The following SSH2 variants were observed in gnomAD, a reference collection of about 807,000 sequenced individuals.
SSH2 encodes the protein protein phosphatase Slingshot homolog 2.
SSH2 carries 37 observed loss-of-function variants against 135.2 expected under a neutral mutation model. The observed-to-expected ratio is 0.27, with a 90% CI of 0.21 to 0.36. The LOEUF (loss-of-function observed/expected upper bound fraction) is 0.36, where lower values mean the gene tolerates loss of function less well. Ranked by LOEUF, SSH2 falls within the 10% of genes least tolerant of loss-of-function variation. The pLI, the probability that SSH2 is intolerant of heterozygous loss-of-function variation, is 1.00. For synonymous variants in SSH2, 628 were observed against 646.2 expected, an observed-to-expected ratio of 0.97 and a Z score of 0.43; for missense variants, 1,408 against 1,765.3, an observed-to-expected ratio of 0.80 and a Z score of 3.63.
At chr17:29,709,160 C>CT (rs2039346290) in intron 3 of SSH2, among the ~76,000 whole-genome samples, 1 of 151,426 alleles carries the variant, frequency 6.6e-6, no homozygotes, top group South Asian at 2.1e-4. Flanking sequence ...ATTTTTACCC[C>CT]CAATATACAT....
intron 1 of SSH2, among the ~76,000 whole-genome samples, chr17:29,904,690 A>G (rs2066621723): frequency 6.6e-6 from 1 of 152,214 alleles, no homozygotes; most frequent in Admixed American, 6.5e-5. Context: ...GTATTCAAAT[A>G]GGAAGACAGG....
intron 4 of SSH2, among the ~76,000 whole-genome samples, chr17:29,699,556 AAAGCT>A (rs1467571130): frequency 1.3e-5 from 2 of 152,196 alleles, no homozygotes; most frequent in Non-Finnish European, 2.9e-5. Flanking sequence ...TAGTATGAGG[AAAGCT>A]AAGTGAACAA....
At chr17:29,674,296 C>G (rs1425986611) in intron 8 of SSH2, 2 of 391,898 alleles carry the variant, frequency 5.1e-6, no homozygotes, top group Admixed American at 6.1e-5. Flanking sequence ...TTATATTACT[C>G]AAAGTAAGCC....
intron 2 of SSH2, among the ~76,000 whole-genome samples, chr17:29,805,691 T>G (rs530155918): frequency 1.3e-5 from 2 of 152,174 alleles, no homozygotes; most frequent in African/African-American, 2.4e-5. Context: ...TCGGAATCAG[T>G]ACATTAAAAA....
At chr17:29,686,532 T>C (rs559302941) in intron 5 of SSH2, among the ~76,000 whole-genome samples, 120 of 151,640 alleles carry the variant, frequency 7.9e-4, no homozygotes, top group Non-Finnish European at 3.1e-4. Context: ...CGGCTAATTT[T>C]TTTTTTTTTT....
chr17:29,784,105 G>T (rs1490409468), intron 3 of SSH2, among the ~76,000 whole-genome samples: 3 of 146,438 alleles, frequency 2.0e-5, no homozygotes, highest in South Asian at 2.1e-4. Context: ...AGTAATTGGG[G>T]GCTGGACGCG....
intron 11 of SSH2, among the ~76,000 whole-genome samples, chr17:29,665,289 A>C (rs1358533248): frequency 6.6e-6 from 1 of 152,234 alleles, no homozygotes; most frequent in Non-Finnish European, 1.5e-5. Context: ...ATGCCAACAC[A>C]TACTGGTCAG....
At chr17:29,693,088 T>C (rs1303520051) in intron 5 of SSH2, among the ~76,000 whole-genome samples, 1 of 151,916 alleles carries the variant, frequency 6.6e-6, no homozygotes, top group East Asian at 1.9e-4. Flanking sequence ...GCCTCCCGAG[T>C]AGCTGGCATG....
Position 29,631,994 on chromosome 17 carries a change from C to A in SSH2, c.3200G>T (p.Gly1067Val). ...IATSEKSGEQ[G>V]LRKVNMEKSV... ...TTTTTCCATGTTCACTTTCCTCAGC[C>A]CTTGCTCTCCGCTCTTCTCACTGGT... The change falls in exon 16 of 16, where the codon GGG (glycine) becomes GTG (valine). Residue 1067 changes from glycine to valine, a missense_variant. This residue lies in a region of SSH2 where 1,080 missense variants were observed against 1,144.5 expected (regional missense o/e 0.94). Transcript: ENST00000540801. 1 of 1,614,194 alleles carries A rather than the reference C, an allele frequency of 6.2e-7. No homozygotes were observed. Among genetic ancestry groups the A allele is most frequent in the Non-Finnish European group, 8.5e-7 (1 of 1,180,028 alleles).
At chr17:29,838,365 C>T (rs1315308679) in intron 2 of SSH2, among the ~76,000 whole-genome samples, 2 of 152,220 alleles carry the variant, frequency 1.3e-5, no homozygotes, top group Non-Finnish European at 2.9e-5. Flanking sequence ...AGCCTGGGCA[C>T]CATGAATGGA....
chr17:29,923,852 G>A (rs941864501), intron 1 of SSH2, among the ~76,000 whole-genome samples: 2 of 152,056 alleles, frequency 1.3e-5, no homozygotes, highest in Non-Finnish European at 2.9e-5. Flanking sequence ...GTTGCAGTGA[G>A]CTGAGATCAT....
At position 29,853,754 on chromosome 17, in the gene SSH2, G is replaced by A. The variant is rs772717837; in HGVS notation, c.64-4825C>T. ...TAAAAATGGACACAACAATAACATC[G>A]ATCTATTAGGGTTGTTGGAAAGACT... On this transcript the variant is annotated intron_variant, in intron 1 of 15. Transcript: ENST00000540801. Among the ~76,000 whole-genome samples, 27 of 151,616 alleles carry A rather than the reference G, an allele frequency of 1.8e-4. No homozygotes were observed. The South Asian group carries it at 3.7e-3, about 21-fold the overall frequency.
chr17:29,635,936 A>G (rs573249497), intron 15 of SSH2, 32 bp downstream of exon 15: 29 of 1,495,132 alleles, frequency 1.9e-5, no homozygotes, highest in African/African-American at 1.3e-4. Flanking sequence ...AGAGAACTTC[A>G]TTAGGCGGAA....
intron 15 of SSH2, among the ~76,000 whole-genome samples, chr17:29,634,157 C>T (rs2035798162): frequency 6.6e-6 from 1 of 152,212 alleles, no homozygotes; most frequent in South Asian, 2.1e-4. Flanking sequence ...AGGGGCACAG[C>T]TTTGCATGTG....
At chr17:29,791,495 C>G (rs1004697147) in intron 3 of SSH2, among the ~76,000 whole-genome samples, 3 of 152,136 alleles carry the variant, frequency 2.0e-5, no homozygotes, top group Non-Finnish European at 4.4e-5. Context: ...ACATTTGAAC[C>G]CACAAACTGA....
intron 15 of SSH2, among the ~76,000 whole-genome samples, chr17:29,635,627 T>C (rs576264195): frequency 3.2e-3 from 483 of 149,632 alleles, no homozygotes; most frequent in Middle Eastern, 6.8e-3. Flanking sequence ...CCAGGATGGT[T>C]TCGATCTCCT....
At chr17:29,633,381 A>G (rs566165944) in intron 15 of SSH2, among the ~76,000 whole-genome samples, 1 of 152,318 alleles carries the variant, frequency 6.6e-6, no homozygotes, top group East Asian at 1.9e-4. Flanking sequence ...TTTAAGGGCT[A>G]AGATATGTCC....
intron 3 of SSH2, among the ~76,000 whole-genome samples, chr17:29,726,226 G>A (rs992734295): frequency 2.6e-5 from 4 of 152,170 alleles, no homozygotes; most frequent in Non-Finnish European, 1.5e-5. Context: ...CAGGTGAAAG[G>A]AGGTTAGGAG....
intron 3 of SSH2, among the ~76,000 whole-genome samples, chr17:29,713,375 A>G (rs1156651702): frequency 2.0e-5 from 3 of 152,116 alleles, no homozygotes; most frequent in Admixed American, 6.6e-5. Flanking sequence ...AGAAAACGCC[A>G]CTGGTCAGTC....
Sources: gnomAD v4.1 joint callset for allele counts (sites outside exome capture counted in the v4.1 genomes callset) on GRCh38, gnomAD v4.1.1 for gene constraint, gnomAD v4.1.1 regional missense constraint, MANE v1.5 for transcripts, NCBI Gene and HGNC (gene_info 2026-07-23, HGNC 2026-07-21) for gene names.